The following PRKG1 variants were observed in gnomAD, a reference collection of about 807,000 sequenced individuals.
PRKG1 encodes cGMP-dependent protein kinase 1.
In PRKG1, 35 loss-of-function variants were observed where a neutral mutation model predicts 88.1. That is an observed-to-expected ratio of 0.40 (90% CI 0.30 to 0.53). The LOEUF is 0.53. Ranked by LOEUF, PRKG1 falls within the 20% of genes least tolerant of loss-of-function variation. The pLI, the probability that PRKG1 is intolerant of heterozygous loss-of-function variation, is 0.59. For synonymous variants in PRKG1, 303 were observed against 292.5 expected (o/e 1.04, Z -0.37); for missense variants, 540 against 839.8 (o/e 0.64, Z 4.41).
At position 51,233,902 on chromosome 10, in the gene PRKG1, T is replaced by G. The variant is rs888476757; in HGVS notation, c.478+80572T>G. 2.7e-4 allele frequency among the ~76,000 whole-genome samples: 41 copies of G among 152,180 alleles called. 1 individual carries two copies. The highest frequency in any genetic ancestry group is 1.9e-4 in the Non-Finnish European group (13 of 68,020). Reference sequence around the variant, plus strand: ...TGCCCTGTGACTCTCAGGTGTCTTGTTACATTCTTCTTATGAATCAGATTA... The same window carrying G: ...TGCCCTGTGACTCTCAGGTGTCTTGGTACATTCTTCTTATGAATCAGATTA... On this transcript the variant is annotated intron_variant, in intron 2 of 17. Coordinates refer to ENST00000373980, the MANE Select transcript of PRKG1 (RefSeq NM_006258.4).
chr10:52,039,369 T>C (rs1845699809), intron 5 of PRKG1, among the ~76,000 whole-genome samples: 1 of 152,060 alleles, frequency 6.6e-6, no homozygotes, highest in African/African-American at 2.4e-5. Flanking sequence ...GAAAAGGACT[T>C]TCACAAGGTA....
chr10:51,954,894 T>C (rs10740403), intron 5 of PRKG1, among the ~76,000 whole-genome samples: 54,332 of 152,064 alleles, frequency 0.36, 10,229 homozygotes, highest in East Asian at 0.65. Context: ...TGTACCTACC[T>C]ATCACTGAGC....
intron 5 of PRKG1, among the ~76,000 whole-genome samples, chr10:51,934,259 C>A (rs573313937): frequency 6.6e-6 from 1 of 150,604 alleles, no homozygotes; most frequent in Non-Finnish European, 1.5e-5. Flanking sequence ...CACATACCCC[C>A]CCCCCAACAC....
At chr10:51,944,135 T>G (rs1446275872) in intron 5 of PRKG1, among the ~76,000 whole-genome samples, 1 of 152,088 alleles carries the variant, frequency 6.6e-6, no homozygotes, top group Non-Finnish European at 1.5e-5. Flanking sequence ...TTTCAGCTCC[T>G]GTTATTGGTC....
At chr10:51,704,182 T>A (rs770290175) in intron 3 of PRKG1, among the ~76,000 whole-genome samples, 4 of 149,924 alleles carry the variant, frequency 2.7e-5, no homozygotes, top group Non-Finnish European at 5.9e-5. Flanking sequence ...TAAATAAAAT[T>A]AAATTAAATA....
intron 2 of PRKG1, among the ~76,000 whole-genome samples, chr10:51,260,916 G>A (rs1839689093): frequency 6.6e-6 from 1 of 152,152 alleles, no homozygotes; most frequent in South Asian, 2.1e-4. Flanking sequence ...TACACTATAT[G>A]TCTGTTTCTT....
chr10:51,360,818 C>A (rs1390573234), intron 2 of PRKG1, among the ~76,000 whole-genome samples: 1 of 151,848 alleles, frequency 6.6e-6, no homozygotes, highest in African/African-American at 2.4e-5. Context: ...TTAGAGCAGG[C>A]AACACATTTC....
At chr10:52,216,161 A>G (rs1840106082) in intron 9 of PRKG1, among the ~76,000 whole-genome samples, 1 of 152,214 alleles carries the variant, frequency 6.6e-6, no homozygotes, top group Admixed American at 6.5e-5. Flanking sequence ...TTTGGACTAC[A>G]GATGGTTCTT....
At chr10:51,199,396 G>A (rs143407532) in intron 2 of PRKG1, among the ~76,000 whole-genome samples, 146 of 152,250 alleles carry the variant, frequency 9.6e-4, no homozygotes, top group African/African-American at 3.4e-3. Context: ...CATGTACTAT[G>A]TTCTAGATAT....
In PRKG1 at chr10:51,074,758, C is replaced by G. The variant is rs1244061406; in HGVS notation, c.168C>G (p.Ala56=). The change falls in exon 1 of 18, where the codon GCC becomes GCG. Residue 56 remains alanine, a synonymous_variant. Coordinates refer to ENST00000373980, the MANE Select transcript of PRKG1 (RefSeq NM_006258.4). ...AGTACCGCTCGGTGATCCGACCAGC[C>G]ACCCAGCAGGCGCAGAAGCAGAGCG... ...LDKYRSVIRP[A]TQQAQKQSAS... 6.2e-7 allele frequency: 1 copy of G among 1,613,952 alleles called. No homozygotes were observed. Among genetic ancestry groups the G allele is most frequent in the East Asian group, 2.2e-5 (1 of 44,860 alleles).
intron 5 of PRKG1, among the ~76,000 whole-genome samples, chr10:51,987,840 T>G (rs1844203007): frequency 6.6e-6 from 1 of 152,036 alleles, no homozygotes; most frequent in Non-Finnish European, 1.5e-5. Flanking sequence ...CAAGTATAGG[T>G]TCAAGAAAAC....
At chr10:51,540,246 A>G (rs949455193) in intron 3 of PRKG1, among the ~76,000 whole-genome samples, 7 of 152,230 alleles carry the variant, frequency 4.6e-5, no homozygotes, top group African/African-American at 1.7e-4. Context: ...TTAGGGTATG[A>G]TCTCATTAGT....
Position 52,034,857 on chromosome 10 carries a change from A to T in PRKG1, c.763-19627A>T, listed in dbSNP as rs190287793. ...TAATAAAAAGGAGTGTCTATACAGGAGCTCAAATGCGCTGTACCCTGCAGC... is the reference window on the plus strand; with the variant it reads ...TAATAAAAAGGAGTGTCTATACAGGTGCTCAAATGCGCTGTACCCTGCAGC... On this transcript the variant is annotated intron_variant, in intron 5 of 17. Transcript: ENST00000373980. Among the ~76,000 whole-genome samples the T allele has an allele frequency of 6.5e-3, 988 of 152,276 alleles. 10 individuals are homozygous for T. Among genetic ancestry groups the T allele is most frequent in the Middle Eastern group, 0.01 (3 of 294 alleles).
intron 5 of PRKG1, among the ~76,000 whole-genome samples, chr10:52,041,385 G>T (rs757314613): frequency 1.3e-5 from 2 of 152,146 alleles, no homozygotes; most frequent in Non-Finnish European, 2.9e-5. Context: ...CTAGTATTTT[G>T]TGGAGGGTTT....
intron 3 of PRKG1, among the ~76,000 whole-genome samples, chr10:51,639,718 T>C (rs1839751593): frequency 6.6e-6 from 1 of 151,464 alleles, no homozygotes; most frequent in Non-Finnish European, 1.5e-5. Context: ...TATTAAGAAT[T>C]AATTATAAAA....
intron 8 of PRKG1, among the ~76,000 whole-genome samples, chr10:52,156,165 G>T (rs10733899): frequency 6.6e-6 from 1 of 151,212 alleles, no homozygotes; most frequent in Non-Finnish European, 1.5e-5. Context: ...GTGTGTGTAA[G>T]TGTCTCTTGC....
intron 1 of PRKG1, among the ~76,000 whole-genome samples, chr10:51,065,956 A>G (rs1442673533): frequency 6.6e-6 from 1 of 152,064 alleles, no homozygotes; most frequent in Non-Finnish European, 1.5e-5. Flanking sequence ...GGATTATCAG[A>G]GAGAGTTTTT....
intron 2 of PRKG1, among the ~76,000 whole-genome samples, chr10:51,329,038 ATTAT>A (rs1390887901): frequency 1.3e-5 from 2 of 151,924 alleles, no homozygotes; most frequent in Non-Finnish European, 2.9e-5. Flanking sequence ...CACACTGTTG[ATTAT>A]TTCTTTGCTA....
intron 1 of PRKG1, among the ~76,000 whole-genome samples, chr10:51,110,138 T>G (rs1172185552): frequency 1.3e-5 from 2 of 152,126 alleles, no homozygotes; most frequent in African/African-American, 4.8e-5. Flanking sequence ...TTTTGACAGT[T>G]TCTTTTTTTA....
Sources: gnomAD v4.1 joint callset for allele counts (sites outside exome capture counted in the v4.1 genomes callset) on GRCh38, gnomAD v4.1.1 for gene constraint, MANE v1.5 for transcripts, NCBI Gene and HGNC (gene_info 2026-07-23, HGNC 2026-07-21) for gene names.